Variants in COL12A1 observed in about 807,000 individuals in gnomAD.
COL12A1 encodes collagen type XII alpha 1 chain, also known as collagen alpha-1(XII) chain.
Under a neutral mutation model 349.7 loss-of-function variants are expected in COL12A1, and 114 were observed. The observed-to-expected ratio is 0.33, with a 90% CI of 0.28 to 0.38. COL12A1 has a LOEUF of 0.38. COL12A1 is among the 10% of genes least tolerant of loss of function. The pLI is 1.00. For synonymous variants in COL12A1, 1,369 were observed against 1,329.0 expected, an observed-to-expected ratio of 1.03 and a Z score of -0.66; for missense variants, 3,284 against 3,756.9, an observed-to-expected ratio of 0.87 and a Z score of 3.29.
At chr6:75,128,204 G>A (rs1453954286) in intron 38 of COL12A1, 92 bp downstream of exon 38, 1 of 1,146,916 alleles carries the variant, frequency 8.7e-7, no homozygotes, top group Non-Finnish European at 1.2e-6. Flanking sequence ...TATTGGTAAA[G>A]ATAAAATTTT....
intron 42 of COL12A1, 40 bp from the exon 43 acceptor site, chr6:75,123,444 G>T: frequency 6.9e-7 from 1 of 1,450,192 alleles, no homozygotes; most frequent in Non-Finnish European, 9.4e-7. Context: ...CACACCATGT[G>T]CACATTTGAT....
intron 27 of COL12A1, 120 bp from the exon 28 acceptor site, chr6:75,139,081 G>T: frequency 9.0e-7 from 1 of 1,108,626 alleles, no homozygotes; most frequent in South Asian, 1.6e-5. Context: ...TGAATACATT[G>T]CTTAGAACCA....
At chr6:75,159,144 A>G (rs954054679) in intron 14 of COL12A1, among the ~76,000 whole-genome samples, 4 of 151,766 alleles carry the variant, frequency 2.6e-5, no homozygotes, top group Non-Finnish European at 4.4e-5. Flanking sequence ...AAAACACATA[A>G]TATGTATAGA....
At position 75,155,827 on chromosome 6, in the gene COL12A1, AG is replaced by A; in HGVS notation, c.3277del (p.Leu1093SerfsTer13). On this transcript the variant is annotated frameshift_variant, in exon 16 of 66. Transcript: ENST00000322507. LOFTEE classifies it high-confidence loss of function. ...TGACATGGTTGGGTCAGATGTTTTG[AG>A]GTTTCTAGGAGACTTAAACCGAGAA... ...TASRFKSPRNLKTSDPTMSSF... is the reference protein window; with the variant it reads ...TASRFKSPRNXKTSDPTMSSF... 6.2e-7 allele frequency: 1 copy of A among 1,608,540 alleles called. No homozygotes were observed. The highest frequency in any genetic ancestry group is 8.5e-7 in the Non-Finnish European group (1 of 1,178,270).
chr6:75,090,086 A>G lies in COL12A1; in HGVS notation c.8941+24T>C, dbSNP rs200428755. On this transcript the variant is annotated intron_variant, in intron 63 of 65. Transcript: ENST00000322507. The surrounding 1 kb of genome is among the most constrained non-coding windows in gnomAD (Gnocchi z 4.1). ...ATTTGCAAATTCCTTCCTTTATCCC[A>G]ATACAGAAGCCAGAAATGCCTACCT... The G allele has an allele frequency of 2.8e-5, 45 of 1,611,322 alleles. No homozygotes were observed. The highest frequency in any genetic ancestry group is 3.7e-5 in the Non-Finnish European group (44 of 1,179,468).
intron 31 of COL12A1, among the ~76,000 whole-genome samples, chr6:75,136,105 G>A (rs1288509833): frequency 1.3e-5 from 2 of 152,150 alleles, no homozygotes; most frequent in African/African-American, 4.8e-5. Context: ...CAGTAAAAGA[G>A]ACTTAGGAGA....
intron 60 of COL12A1, 128 bp downstream of exon 60, chr6:75,094,980 C>T: frequency 5.0e-6 from 4 of 797,062 alleles, no homozygotes; most frequent in Non-Finnish European, 5.8e-6. Context: ...ATGAGTTTAG[C>T]ATGGTTTCAA....
chr6:75,176,974 A>C (rs906773589), intron 12 of COL12A1, among the ~76,000 whole-genome samples: 4 of 152,250 alleles, frequency 2.6e-5, no homozygotes, highest in African/African-American at 9.6e-5. Flanking sequence ...TCCCATTTAA[A>C]GAAAACAAGT....
chr6:75,087,780 T>C, intron 64 of COL12A1, 33 bp from the exon 65 acceptor site: 1 of 1,596,306 alleles, frequency 6.3e-7, no homozygotes, highest in South Asian at 1.1e-5. Context: ...ATATTTCCCC[T>C]CTTGTCAAAT....
intron 23 of COL12A1, 28 bp downstream of exon 23, chr6:75,147,647 T>C: frequency 6.4e-7 from 1 of 1,573,278 alleles, no homozygotes; most frequent in Admixed American, 2.0e-5. Flanking sequence ...AAGAAAGCAA[T>C]GAGAAACAAT....
In COL12A1 at chr6:75,154,451, A is replaced by C. The variant is rs1318176680; in HGVS notation, c.3530T>G (p.Leu1177Arg). 1.9e-6 allele frequency: 3 copies of C among 1,612,664 alleles called. No individual in the cohort carries two copies. In the Admixed American group the frequency reaches 5.0e-5, roughly 27 times the overall value. ...SPLVGQEMTT[L>R]SDTTVMPILS... ...AATTGGCATAACAGTTGTGTCGGAA[A>C]GGGTTGTCATTTCTTGTCCAACAAG... The change falls in exon 17 of 66, where the codon CTT becomes CGT. Residue 1177 changes from leucine (L) to arginine (R), a missense_variant. Leu to Arg is a moderately radical substitution (Grantham distance 102). Coordinates refer to ENST00000322507, the MANE Select transcript of COL12A1 (RefSeq NM_004370.6).
chr6:75,189,137 G>A lies in COL12A1; in HGVS notation c.823+80C>T, dbSNP rs1013254728. On this transcript the variant is annotated intron_variant, in intron 7 of 65. Coordinates refer to ENST00000322507, the MANE Select transcript of COL12A1 (RefSeq NM_004370.6). Reference sequence around the variant, plus strand: ...ACTTCTAATAGCATCCTTCCTTGAGGAATCAATCTTTCATCTTCCTAAACA... The same window carrying A: ...ACTTCTAATAGCATCCTTCCTTGAGAAATCAATCTTTCATCTTCCTAAACA... 5.6e-6 allele frequency: 8 copies of A among 1,426,060 alleles called. No individual in the cohort carries two copies. In the East Asian group the frequency reaches 1.8e-4, roughly 33 times the overall value. The allele number at this position is 1,426,060 out of a possible 1,614,324, so 88.3% of individuals were successfully genotyped here. A position where few individuals can be genotyped will look rare whatever the true frequency, so the allele number is the denominator to read the frequency against.
intron 16 of COL12A1, 115 bp downstream of exon 16, chr6:75,155,547 G>T: frequency 9.5e-7 from 1 of 1,050,010 alleles, no homozygotes; most frequent in Non-Finnish European, 1.4e-6. Context: ...TAAATACTTT[G>T]CTGGCAAACA....
In COL12A1 at chr6:75,143,389, C is replaced by T; in HGVS notation, c.4691-1G>A. 1.2e-6 allele frequency: 2 copies of T among 1,612,196 alleles called. No individual in the cohort carries two copies. Among genetic ancestry groups the T allele is most frequent in the Non-Finnish European group, 8.5e-7 (1 of 1,179,594 alleles). The stretch of plus-strand genomic sequence containing the variant: ...AGATCCTGAGGTCTGGGTAAAGGCA[C>T]TAGAGAAGCACGAGATATTAAATCC... On this transcript the variant is annotated splice_acceptor_variant, in intron 25 of 65. Transcript: ENST00000322507. LOFTEE classifies it high-confidence loss of function.
chr6:75,199,813 GA>G (rs1340800241), intron 2 of COL12A1, among the ~76,000 whole-genome samples: 4 of 152,018 alleles, frequency 2.6e-5, no homozygotes, highest in Non-Finnish European at 5.9e-5. Flanking sequence ...AACATAGTAT[GA>G]AAAATATAGC....
chr6:75,117,673 C>T (rs1769156171), intron 46 of COL12A1, 127 bp from the exon 47 acceptor site: 3 of 899,364 alleles, frequency 3.3e-6, no homozygotes, highest in Non-Finnish European at 1.6e-6. Context: ...AGTCCTTTTA[C>T]TTGACGTGAA....
chr6:75,166,840 T>C (rs1455061179), intron 13 of COL12A1, among the ~76,000 whole-genome samples: 1 of 151,980 alleles, frequency 6.6e-6, no homozygotes, highest in Non-Finnish European at 1.5e-5. Flanking sequence ...AAAGTAAAGG[T>C]AACAATGAAT....
chr6:75,159,511 G>C (rs927253764), intron 14 of COL12A1, among the ~76,000 whole-genome samples: 65 of 149,436 alleles, frequency 4.3e-4, no homozygotes, highest in African/African-American at 1.5e-3. Flanking sequence ...CTGGAGTTTT[G>C]AAAATAGTAC....
At chr6:75,198,639 A>G (rs947810674) in intron 2 of COL12A1, among the ~76,000 whole-genome samples, 1 of 152,120 alleles carries the variant, frequency 6.6e-6, no homozygotes, top group African/African-American at 2.4e-5. Context: ...AACTTTTTGA[A>G]ACATTTTTAA....
Sources: allele counts gnomAD v4.1 joint callset (sites outside exome capture counted in the v4.1 genomes callset), GRCh38; gene constraint gnomAD v4.1.1; non-coding constraint Gnocchi (gnomAD v3.1); transcripts MANE v1.5; gene names NCBI Gene and HGNC (gene_info 2026-07-23, HGNC 2026-07-21).